AP2A2: variants seen among roughly 807,000 people sequenced by gnomAD.
AP2A2 encodes the protein adaptor related protein complex 2 subunit alpha 2, also known as AP-2 complex subunit alpha-2.
In AP2A2, 32 loss-of-function variants were observed where a neutral mutation model predicts 104.2. The ratio of observed to expected loss-of-function variants is 0.31; its 90% CI spans 0.23 to 0.41. The LOEUF (loss-of-function observed/expected upper bound fraction) is 0.41, where lower values mean the gene tolerates loss of function less well. AP2A2 is among the 10% of genes least tolerant of loss of function. The pLI is 1.00. For missense variants in AP2A2, 912 were observed against 1,261.0 expected, an observed-to-expected ratio of 0.72 and a Z score of 4.19; for synonymous variants, 539 against 533.3, an observed-to-expected ratio of 1.01 and a Z score of -0.15.
Position 986,914 on chromosome 11 carries a change from TGTCAAGACGCAC to T in AP2A2, c.1093_1104del (p.Val365_His368del). 6.2e-7 allele frequency: 1 copy of T among 1,602,470 alleles called. No individual in the cohort carries two copies. Among genetic ancestry groups the T allele is most frequent in the Non-Finnish European group, 8.5e-7 (1 of 1,175,036 alleles). On this transcript the variant is annotated inframe_deletion, in exon 9 of 22. Transcript: ENST00000448903. ...CCAGCTCTGAGTTCTCCCATGAGGCTGTCAAGACGCACATCGAGACGGTCATCAACGCCCTGA... is the reference window on the plus strand; with the variant it reads ...CCAGCTCTGAGTTCTCCCATGAGGCTATCGAGACGGTCATCAACGCCCTGA...
At chr11:946,713 T>C (rs1294070701) in intron 1 of AP2A2, 1 of 139,402 alleles carries the variant, frequency 7.2e-6, no homozygotes, top group Non-Finnish European at 1.5e-5. Context: ...GAGGTTGCAG[T>C]GAGCCAAGAT....
intron 16 of AP2A2, among the ~76,000 whole-genome samples, chr11:1,005,987 C>T (rs1047225670): frequency 2.0e-5 from 3 of 152,266 alleles, no homozygotes; most frequent in African/African-American, 7.2e-5. Context: ...AAATGTGCAC[C>T]TGTGCCGTGG....
At chr11:980,784 C>T (rs1193434077) in intron 5 of AP2A2, among the ~76,000 whole-genome samples, 1 of 152,204 alleles carries the variant, frequency 6.6e-6, no homozygotes, top group African/African-American at 2.4e-5. Context: ...TGTAAAGATT[C>T]AGATCAGTGT....
At position 992,477 on chromosome 11, in the gene AP2A2, G is replaced by A. The variant is rs1855691960; in HGVS notation, c.1270-26G>A. On this transcript the variant is annotated intron_variant, in intron 10 of 21. Transcript: ENST00000448903. The surrounding 1 kb of genome is among the most constrained non-coding windows in gnomAD (Gnocchi z 6.4). The stretch of plus-strand genomic sequence containing the variant: ...GGGATTGCCATGGCCTGCAGGTGCC[G>A]GCCCTCAGCAGCCTGTCCCCCACAG... The A allele has an allele frequency of 6.4e-7, 1 of 1,562,760 alleles. No homozygotes were observed. Among genetic ancestry groups the A allele is most frequent in the Non-Finnish European group, 8.7e-7 (1 of 1,153,662 alleles).
rs28496788 is a variant in AP2A2 at position 1,009,616 on chromosome 11, C to T, written c.2608-67C>T. On this transcript the variant is annotated intron_variant, in intron 20 of 21. Coordinates refer to ENST00000448903, the MANE Select transcript of AP2A2 (RefSeq NM_012305.4). ...GACCCAGCGCCAGGGTCTGGAGGGG[C>T]GGCCCCGGGGGACACGCTGCCCGCG... 20 of 1,183,042 alleles carry T rather than the reference C, an allele frequency of 1.7e-5. 1 individual carries two copies. Among genetic ancestry groups the T allele is most frequent in the Non-Finnish European group, 2.2e-5 (19 of 847,796 alleles). The allele number at this position is 1,183,042 out of a possible 1,614,324, so 73.3% of individuals were successfully genotyped here. A position where few individuals can be genotyped will look rare whatever the true frequency, so the allele number is the denominator to read the frequency against.
At position 959,441 on chromosome 11, in the gene AP2A2, A is replaced by T; in HGVS notation, c.72A>T (p.Lys24Asn). 2 of 1,533,678 alleles carry T rather than the reference A, an allele frequency of 1.3e-6. No homozygotes were observed. Among genetic ancestry groups the T allele is most frequent in the Non-Finnish European group, 1.8e-6 (2 of 1,114,432 alleles). ...AVFISDIRNC[K>N]SKEAEIKRIN... is the part of the protein sequence containing the mutation. The stretch of plus-strand genomic sequence containing the variant: ...GCTTTTTGTTCTTTTTTTTAGGTAA[A>T]AGTAAAGAAGCAGAAATAAAAAGGA... Residue 24 changes from lysine (K) to asparagine (N), a missense_variant, in exon 2 of 22, where the codon AAA becomes AAT. Lys to Asn is a moderately conservative substitution (Grantham distance 94). This residue lies in a region of AP2A2 where 43 missense variants were observed against 47.0 expected (regional missense o/e 0.91). Transcript: ENST00000448903.
chr11:931,802 G>GTTTTTT (rs138261185), intron 1 of AP2A2, among the ~76,000 whole-genome samples: 1 of 125,176 alleles, frequency 8.0e-6, no homozygotes, highest in Non-Finnish European at 1.7e-5. Context: ...TCCATTTCTT[G>GTTTTTT]TTTTTTTTTT....
Position 986,765 on chromosome 11 carries a change from C to A in AP2A2, c.963-20C>A. 1 of 1,609,990 alleles carries A rather than the reference C, an allele frequency of 6.2e-7. No homozygotes were observed. Among genetic ancestry groups the A allele is most frequent in the South Asian group, 1.1e-5 (1 of 90,618 alleles). On this transcript the variant is annotated intron_variant, in intron 8 of 21. Transcript: ENST00000448903. ...GCACTTGCTGAGGAAACCCCACCCA[C>A]TTCCCCTCCCTCCACACAGTGAGCC...
chr11:990,538 G>T (rs561024036), intron 10 of AP2A2, among the ~76,000 whole-genome samples: 1 of 152,302 alleles, frequency 6.6e-6, no homozygotes, highest in South Asian at 2.1e-4. Context: ...TCAGCCCGGT[G>T]TCTGCTCTCG....
chr11:929,737 C>T (rs1048649208), intron 1 of AP2A2, among the ~76,000 whole-genome samples: 11 of 151,720 alleles, frequency 7.3e-5, no homozygotes, highest in Non-Finnish European at 1.6e-4. Flanking sequence ...TTGAGGCTGC[C>T]ATGAACTCGG....
Position 993,333 on chromosome 11 carries a change from A to G in AP2A2, c.1502A>G (p.Tyr501Cys), listed in dbSNP as rs1427345543. ...GAGAACCTGGTCAAAGTGGGCGGCT[A>G]CATCCTGGGGGAGTTTGGAAACTTG... ...CHENLVKVGGYILGEFGNLIA... is the reference protein window; with the variant it reads ...CHENLVKVGGCILGEFGNLIA... The change falls in exon 12 of 22, where the codon TAC becomes TGC. Residue 501 changes from tyrosine to cysteine, a missense_variant. Tyr to Cys is a radical substitution (Grantham distance 194, BLOSUM62 -2). Around this residue, in one of 7 missense-constraint regions of AP2A2, gnomAD observed 137 missense variants for 186.9 expected, o/e 0.73. Coordinates refer to ENST00000448903, the MANE Select transcript of AP2A2 (RefSeq NM_012305.4). This position sits in a 1 kb window ranked among gnomAD's most constrained non-coding sequence, Gnocchi z 8.2. 1.9e-6 allele frequency: 3 copies of G among 1,612,858 alleles called. No homozygotes were observed. Among genetic ancestry groups the G allele is most frequent in the East Asian group, 4.5e-5 (2 of 44,760 alleles).
Position 995,357 on chromosome 11 carries a change from A to T in AP2A2, c.1956+1112A>T, listed in dbSNP as rs577406501. The T allele has an allele frequency of 1.3e-5, 6 of 455,836 alleles. No homozygotes were observed. In the Admixed American group the frequency reaches 1.4e-4, roughly 11 times the overall value. The allele number at this position is 455,836 out of a possible 1,614,324, so 28.2% of individuals were successfully genotyped here. On this transcript the variant is annotated intron_variant, in intron 14 of 21. Coordinates refer to ENST00000448903, the MANE Select transcript of AP2A2 (RefSeq NM_012305.4). ...TTGTCAGGTGAGAAGTGTCGTTTTG[A>T]GAGTTGCGTTTTTGCTTGGCTCTGC...
chr11:982,438 G>A (rs2133695800), intron 6 of AP2A2, among the ~76,000 whole-genome samples: 1 of 152,312 alleles, frequency 6.6e-6, no homozygotes, highest in African/African-American at 2.4e-5. Context: ...GTCTTGTTTT[G>A]TGAAGTGCCT....
At chr11:962,847 C>CTGT (rs1413301483) in intron 2 of AP2A2, among the ~76,000 whole-genome samples, 1 of 152,130 alleles carries the variant, frequency 6.6e-6, no homozygotes, top group African/African-American at 2.4e-5. Flanking sequence ...ACACAGTGAT[C>CTGT]TGTTGGCTTT....
chr11:944,126 G>A (rs1853752264), intron 1 of AP2A2, among the ~76,000 whole-genome samples: 1 of 152,220 alleles, frequency 6.6e-6, no homozygotes, highest in African/African-American at 2.4e-5. Flanking sequence ...TCGTTTGGAG[G>A]AAAAGCGGAC....
chr11:991,310 G>T (rs1855647248), intron 10 of AP2A2, among the ~76,000 whole-genome samples: 1 of 152,266 alleles, frequency 6.6e-6, no homozygotes, highest in Non-Finnish European at 1.5e-5. Flanking sequence ...TTGAGAGCAG[G>T]ACCGTGGGTT....
chr11:931,337 G>A (rs1853286138), intron 1 of AP2A2, among the ~76,000 whole-genome samples: 1 of 152,188 alleles, frequency 6.6e-6, no homozygotes, highest in African/African-American at 2.4e-5. Context: ...TATCTGCAGA[G>A]GAGAGTTGTA....
chr11:955,868 G>C (rs561526225), intron 1 of AP2A2, among the ~76,000 whole-genome samples: 2 of 152,088 alleles, frequency 1.3e-5, no homozygotes, highest in Admixed American at 1.3e-4. Flanking sequence ...TGACTGCGTA[G>C]GGCAGGGGTG....
Position 972,193 on chromosome 11 carries a change from C to T in AP2A2, c.411C>T (p.Ser137=), listed in dbSNP as rs757060254. The T allele has an allele frequency of 1.3e-5, 21 of 1,611,762 alleles. No individual in the cohort carries two copies. The African/African-American group carries it at 1.9e-4, about 14-fold the overall frequency. Reference sequence around the variant, plus strand: ...GCCTGGCCCTGCACTGCATCGCCAGCGTGGGCAGCCGGGAGATGGCCGAGG... The same window carrying T: ...GCCTGGCCCTGCACTGCATCGCCAGTGTGGGCAGCCGGGAGATGGCCGAGG... ...FMGLALHCIA[S]VGSREMAEAF... is the part of the protein sequence containing the mutation. The change falls in exon 4 of 22, where the codon AGC becomes AGT. Residue 137 remains serine (S), a synonymous_variant. Transcript: ENST00000448903.
Sources: gnomAD v4.1 joint callset for allele counts (sites outside exome capture counted in the v4.1 genomes callset) on GRCh38, gnomAD v4.1.1 for gene constraint, gnomAD v4.1.1 regional missense constraint, Gnocchi (gnomAD v3.1) non-coding constraint, MANE v1.5 for transcripts, NCBI Gene and HGNC (gene_info 2026-07-23, HGNC 2026-07-21) for gene names.